The following TBC1D2 variants were observed in gnomAD, a reference collection of about 807,000 sequenced individuals.
The protein encoded by TBC1D2 is TBC1 domain family member 2.
Under a neutral mutation model 91.1 loss-of-function variants are expected in TBC1D2, and 58 were observed. That is an observed-to-expected ratio of 0.64 (90% CI 0.52 to 0.79). The LOEUF (loss-of-function observed/expected upper bound fraction) is 0.79, where lower values mean the gene tolerates loss of function less well. TBC1D2 is among the 30% of genes least tolerant of loss of function. TBC1D2 has a pLI of 0.00. For synonymous variants in TBC1D2, 482 were observed against 511.5 expected, an observed-to-expected ratio of 0.94 and a Z score of 0.78; for missense variants, 1,080 against 1,208.3, an observed-to-expected ratio of 0.89 and a Z score of 1.57.
In TBC1D2 at chr9:98,208,883, G is replaced by A; in HGVS notation, c.1935C>T (p.His645=). 3 of 1,614,168 alleles carry A rather than the reference G, an allele frequency of 1.9e-6. No homozygotes were observed. The highest frequency in any genetic ancestry group is 1.1e-5 in the South Asian group (1 of 91,070). Residue 645 remains histidine (H), a synonymous_variant, in exon 9 of 13, where the codon CAC becomes CAT. Transcript: ENST00000465784. The stretch of plus-strand genomic sequence containing the variant: ...CCTGGTAGCAGCCTGGAGTGTGCAG[G>A]TGCTGGACACGGAGGTGGACCAGCC... ...WRWLVHLRVQ[H]LHTPGCYQEL... is the part of the protein sequence containing the mutation.
Position 98,244,003 on chromosome 9 carries a change from G to A in TBC1D2, c.638C>T (p.Thr213Ile). 1 of 1,605,798 alleles carries A rather than the reference G, an allele frequency of 6.2e-7. No homozygotes were observed. The change falls in exon 3 of 13, where the codon ACT (threonine) becomes ATT (isoleucine). Residue 213 changes from threonine (T) to isoleucine (I), a missense_variant. Physicochemically the swap from Thr to Ile is moderately conservative, Grantham distance 89. Transcript: ENST00000465784. ...LQNISLKHLG[T>I]EIQNTMHNIR... ...CTCCACTGGCACTTACTGTATTTCA[G>A]TCCCCAGGTGCTTGAGGGAAATATT...
chr9:98,254,912 T>C (rs560345610), intron 1 of TBC1D2, among the ~76,000 whole-genome samples: 1 of 152,336 alleles, frequency 6.6e-6, no homozygotes, highest in Admixed American at 6.5e-5. Context: ...CCCTACTCTC[T>C]AGACGCATGG....
intron 2 of TBC1D2, among the ~76,000 whole-genome samples, 193 bp from the exon 3 acceptor site, chr9:98,244,322 T>C (rs925857427): frequency 2.6e-5 from 4 of 152,050 alleles, no homozygotes; most frequent in African/African-American, 9.7e-5. Flanking sequence ...GCCAGTAAAA[T>C]GATGCATTTT....
At chr9:98,222,210 C>T (rs2119089498) in intron 5 of TBC1D2, among the ~76,000 whole-genome samples, 1 of 152,320 alleles carries the variant, frequency 6.6e-6, no homozygotes, top group African/African-American at 2.4e-5. Flanking sequence ...TTACTCTTCC[C>T]TCTCATCCCT....
At chr9:98,227,696 C>A (rs572665083) in intron 5 of TBC1D2, among the ~76,000 whole-genome samples, 2 of 151,448 alleles carry the variant, frequency 1.3e-5, no homozygotes, top group Admixed American at 6.6e-5. Flanking sequence ...GCAGGAGAAT[C>A]GCTTGAACCC....
chr9:98,213,427 G>A, intron 6 of TBC1D2: 1 of 1,368,818 alleles, frequency 7.3e-7, no homozygotes, highest in Non-Finnish European at 9.4e-7. Context: ...GGGACCAGTA[G>A]GTCTGAATTT....
At chr9:98,213,413 T>C (rs1828898720) in intron 6 of TBC1D2, 195 bp from the exon 7 acceptor site, 1 of 1,394,004 alleles carries the variant, frequency 7.2e-7, no homozygotes, top group South Asian at 1.5e-5. Flanking sequence ...CATGATGTGG[T>C]AAAGGGACCA....
chr9:98,215,327 C>T (rs555666476), intron 6 of TBC1D2, among the ~76,000 whole-genome samples: 11 of 152,196 alleles, frequency 7.2e-5, no homozygotes, highest in African/African-American at 2.7e-4. Context: ...GTGCAGGCTT[C>T]CGGCATCACC....
intron 6 of TBC1D2, among the ~76,000 whole-genome samples, chr9:98,215,468 T>G (rs1026854694): frequency 6.6e-6 from 1 of 152,212 alleles, no homozygotes; most frequent in Non-Finnish European, 1.5e-5. Flanking sequence ...GCAACTTGCC[T>G]AAGGCACAGC....
intron 9 of TBC1D2, among the ~76,000 whole-genome samples, chr9:98,206,637 A>G (rs1828663263): frequency 6.6e-6 from 1 of 151,680 alleles, no homozygotes; most frequent in Non-Finnish European, 1.5e-5. Context: ...TTGGAGAGAG[A>G]GCAGGTTGTA....
intron 8 of TBC1D2, 127 bp from the exon 9 acceptor site, chr9:98,209,271 T>C: frequency 1.2e-6 from 1 of 857,314 alleles, no homozygotes; most frequent in South Asian, 1.6e-5. Flanking sequence ...CACACAGCTC[T>C]GGGCAGGTCA....
intron 3 of TBC1D2, among the ~76,000 whole-genome samples, chr9:98,236,574 A>T (rs1226431632): frequency 6.6e-6 from 1 of 152,222 alleles, no homozygotes; most frequent in African/African-American, 2.4e-5. Flanking sequence ...ATAACATTTC[A>T]TTATAGAGTC....
At chr9:98,242,866 G>A (rs1829679927) in intron 3 of TBC1D2, among the ~76,000 whole-genome samples, 2 of 133,726 alleles carry the variant, frequency 1.5e-5, no homozygotes, top group Admixed American at 1.7e-4. Flanking sequence ...AGGCTAGGAT[G>A]AAGTGGTATG....
At chr9:98,214,943 C>T (rs938181427) in intron 6 of TBC1D2, among the ~76,000 whole-genome samples, 3 of 152,228 alleles carry the variant, frequency 2.0e-5, no homozygotes, top group Non-Finnish European at 2.9e-5. Flanking sequence ...TCATCTCCCT[C>T]GCTGTGCCAA....
intron 3 of TBC1D2, among the ~76,000 whole-genome samples, chr9:98,238,598 T>C (rs1563986172): frequency 7.3e-6 from 1 of 137,368 alleles, no homozygotes; most frequent in Admixed American, 6.7e-5. Context: ...TTGGCCTGGC[T>C]AAAGCCTCCA....
chr9:98,240,249 G>A (rs1183897997), intron 3 of TBC1D2, among the ~76,000 whole-genome samples: 2 of 151,868 alleles, frequency 1.3e-5, no homozygotes, highest in African/African-American at 4.8e-5. Flanking sequence ...TTCATGGATA[G>A]TACAGCTGAG....
chr9:98,243,174 A>C (rs958967217), intron 3 of TBC1D2, among the ~76,000 whole-genome samples: 1 of 152,034 alleles, frequency 6.6e-6, no homozygotes, highest in African/African-American at 2.4e-5. Context: ...AGTAGTTGAG[A>C]TATGATTGAC....
chr9:98,216,708 CTTT>C (rs758854952), intron 6 of TBC1D2, among the ~76,000 whole-genome samples: 2 of 152,028 alleles, frequency 1.3e-5, no homozygotes, highest in African/African-American at 4.8e-5. Context: ...ATTTTTCTTT[CTTT>C]TTTTATTTTT....
chr9:98,221,669 C>G (rs1303630128), intron 5 of TBC1D2, among the ~76,000 whole-genome samples: 1 of 152,196 alleles, frequency 6.6e-6, no homozygotes. Flanking sequence ...AGTTGCTCAC[C>G]TACCTCTGGG....
Sources: gnomAD v4.1 joint callset for allele counts (sites outside exome capture counted in the v4.1 genomes callset) on GRCh38, gnomAD v4.1.1 for gene constraint, MANE v1.5 for transcripts, NCBI Gene and HGNC (gene_info 2026-07-23, HGNC 2026-07-21) for gene names.